Variants in RBM33 observed in about 807,000 individuals in gnomAD.
RBM33 encodes RNA-binding protein 33.
A neutral mutation model predicts 132.6 loss-of-function variants in RBM33; 28 were observed. That is an observed-to-expected ratio of 0.21 (90% CI 0.16 to 0.29). The LOEUF (loss-of-function observed/expected upper bound fraction) is 0.29, where lower values mean the gene tolerates loss of function less well. Among genes scored for constraint, RBM33 ranks in the 10% least tolerant of loss-of-function variants. RBM33 has a pLI of 1.00. For missense variants in RBM33, 1,291 were observed against 1,518.5 expected (o/e 0.85, Z 2.49); for synonymous variants, 634 against 593.0 (o/e 1.07, Z -1.01).
At chr7:155,772,560 A>C (rs1444438978) in intron 16 of RBM33, among the ~76,000 whole-genome samples, 1 of 152,248 alleles carries the variant, frequency 6.6e-6, no homozygotes, top group Admixed American at 6.5e-5. Context: ...CTGAGAATGT[A>C]TCCAGGAGAC....
At chr7:155,687,657 G>C (rs560862981) in intron 5 of RBM33, among the ~76,000 whole-genome samples, 95 of 152,206 alleles carry the variant, frequency 6.2e-4, no homozygotes, top group African/African-American at 2.2e-3. Context: ...TTTCGTATAA[G>C]GTGTAAGGAA....
chr7:155,650,041 A>G (rs766533610), intron 1 of RBM33, among the ~76,000 whole-genome samples: 10 of 152,108 alleles, frequency 6.6e-5, no homozygotes, highest in Non-Finnish European at 1.2e-4. Context: ...ATTCCTTCAT[A>G]TATTTTCCTC....
At chr7:155,712,328 C>G (rs1299301658) in intron 8 of RBM33, among the ~76,000 whole-genome samples, 1 of 152,212 alleles carries the variant, frequency 6.6e-6, no homozygotes, top group Non-Finnish European at 1.5e-5. Context: ...TTATACGAAG[C>G]TTTAACTTCA....
chr7:155,757,170 A>G (rs1801878569), intron 14 of RBM33, among the ~76,000 whole-genome samples: 1 of 152,158 alleles, frequency 6.6e-6, no homozygotes, highest in Non-Finnish European at 1.5e-5. Flanking sequence ...TCGAAGAGTC[A>G]ATGGGAGAAT....
intron 5 of RBM33, among the ~76,000 whole-genome samples, chr7:155,690,432 CTG>C (rs1799603493): frequency 6.6e-6 from 1 of 152,118 alleles, no homozygotes; most frequent in East Asian, 1.9e-4. Flanking sequence ...GTTCGCCAGT[CTG>C]TGTCTTTTAA....
In RBM33 at chr7:155,644,933, C is replaced by T; in HGVS notation, c.43+14C>T. On this transcript the variant is annotated intron_variant, in intron 1 of 17. Coordinates refer to ENST00000401878, the MANE Select transcript of RBM33 (RefSeq NM_053043.3). ...CAGGCGCCGGAGGTACGTGAGGCAG[C>T]CGGACTCTGGGGGCCAGGACCGCGC... 2 of 1,493,400 alleles carry T rather than the reference C, an allele frequency of 1.3e-6. No homozygotes were observed. Among genetic ancestry groups the T allele is most frequent in the East Asian group, 2.8e-5 (1 of 35,246 alleles). 92.5% of individuals were successfully genotyped at this position (1,493,400 alleles called of 1,614,324 possible).
intron 13 of RBM33, among the ~76,000 whole-genome samples, chr7:155,742,737 G>T (rs935375710): frequency 1.3e-5 from 2 of 152,196 alleles, no homozygotes; most frequent in Non-Finnish European, 2.9e-5. Flanking sequence ...TTTTCAGTAG[G>T]CACAGAATGT....
Position 155,709,760 on chromosome 7 carries a change from G to A in RBM33, c.949-1443G>A, listed in dbSNP as rs563611365. On this transcript the variant is annotated intron_variant, in intron 7 of 17. Transcript: ENST00000401878. The stretch of plus-strand genomic sequence containing the variant: ...AAGATCCCTACTCTCATGGGCAAAT[G>A]TGCACAGATGTGATGAGTTAAGGAG... Among the ~76,000 whole-genome samples, 5 of 152,328 alleles carry A rather than the reference G, an allele frequency of 3.3e-5. No individual in the cohort carries two copies. The South Asian group carries it at 1.0e-3, about 32-fold the overall frequency.
chr7:155,772,287 G>A (rs992452729), intron 16 of RBM33, among the ~76,000 whole-genome samples: 4 of 79,832 alleles, frequency 5.0e-5, no homozygotes, highest in Non-Finnish European at 1.0e-4. Flanking sequence ...GTTTAGGTTC[G>A]GGTTAGGTTA....
At chr7:155,684,950 G>A (rs1799432340) in intron 5 of RBM33, 4 of 1,550,408 alleles carry the variant, frequency 2.6e-6, no homozygotes, top group Admixed American at 3.9e-5. Flanking sequence ...AATACTTGCA[G>A]GCTTATGGTG....
intron 5 of RBM33, 146 bp from the exon 6 acceptor site, chr7:155,700,627 G>T (rs1799934538): frequency 2.4e-6 from 1 of 424,670 alleles, no homozygotes; most frequent in Non-Finnish European, 4.1e-6. Context: ...TCAGCTTAGG[G>T]TTTCATGTGG....
intron 15 of RBM33, among the ~76,000 whole-genome samples, chr7:155,765,975 T>C (rs1802202457): frequency 6.6e-6 from 1 of 152,214 alleles, no homozygotes; most frequent in Non-Finnish European, 1.5e-5. Flanking sequence ...AAATGTAGTC[T>C]CTGCCAGCGG....
intron 3 of RBM33, among the ~76,000 whole-genome samples, chr7:155,673,631 CAT>C (rs1214283644): frequency 0.042 from 1,102 of 26,018 alleles, 240 homozygotes; most frequent in African/African-American, 0.095. Context: ...TATATACACA[CAT>C]ATACATACAC....
Position 155,673,510 on chromosome 7 carries a change from ACACG to A in RBM33, c.171+596_171+599del, listed in dbSNP as rs1799017219. ...TATATATACACACATATATACATAC[ACACG>A]TGTATATATATACACACATATATAC... On this transcript the variant is annotated intron_variant, in intron 3 of 17. Coordinates refer to ENST00000401878, the MANE Select transcript of RBM33 (RefSeq NM_053043.3). Among the ~76,000 whole-genome samples the A allele has an allele frequency of 4.8e-5, 7 of 146,380 alleles. 1 individual carries two copies. Among genetic ancestry groups the A allele is most frequent in the African/African-American group, 1.1e-4 (4 of 37,748 alleles).
At chr7:155,746,984 CATTTT>C (rs1033281369) in intron 14 of RBM33, among the ~76,000 whole-genome samples, 2 of 152,180 alleles carry the variant, frequency 1.3e-5, no homozygotes, top group East Asian at 1.9e-4. Flanking sequence ...AAGAATAACT[CATTTT>C]GTTAGTTGGT....
chr7:155,674,171 C>T (rs1202481809), intron 3 of RBM33, among the ~76,000 whole-genome samples: 1 of 151,576 alleles, frequency 6.6e-6, no homozygotes, highest in Non-Finnish European at 1.5e-5. Context: ...GTAAATCCAC[C>T]TGATTTAATA....
chr7:155,769,895 A>C (rs1563184446), intron 16 of RBM33, among the ~76,000 whole-genome samples: 1 of 152,168 alleles, frequency 6.6e-6, no homozygotes, highest in African/African-American at 2.4e-5. Context: ...CGGAAAAGCT[A>C]GTTAACTGGA....
chr7:155,766,037 C>T (rs967465771), intron 15 of RBM33, among the ~76,000 whole-genome samples: 3 of 152,174 alleles, frequency 2.0e-5, no homozygotes, highest in African/African-American at 7.2e-5. Context: ...GGACTTAGCA[C>T]TGTGCACAGC....
chr7:155,704,409 G>A (rs539614373), intron 6 of RBM33, among the ~76,000 whole-genome samples: 2 of 152,310 alleles, frequency 1.3e-5, no homozygotes, highest in South Asian at 4.1e-4. Flanking sequence ...AGAGGATGTT[G>A]TAGGGTGTAA....
Sources: allele counts gnomAD v4.1 joint callset (sites outside exome capture counted in the v4.1 genomes callset), GRCh38; gene constraint gnomAD v4.1.1; transcripts MANE v1.5; gene names NCBI Gene and HGNC (gene_info 2026-07-23, HGNC 2026-07-21).